Variants in EFCAB13 observed in about 807,000 individuals in gnomAD.
EFCAB13 encodes the protein EF-hand calcium-binding domain-containing protein 13.
EFCAB13 carries 91 observed loss-of-function variants against 110.2 expected under a neutral mutation model. The ratio of observed to expected loss-of-function variants is 0.83; its 90% CI spans 0.70 to 0.98. EFCAB13 has a LOEUF of 0.98. Ranked by LOEUF, EFCAB13 falls within the 50% of genes least tolerant of loss-of-function variation. The probability of loss-of-function intolerance (pLI) is 0.00; values close to 1 mark genes in which losing one functional copy is unlikely to be tolerated. For missense variants in EFCAB13, 968 were observed against 1,119.4 expected (o/e 0.86, Z 1.93); for synonymous variants, 323 against 369.9 (o/e 0.87, Z 1.45).
chr17:47,335,476 T>C (rs2065344227), intron 5 of EFCAB13, 120 bp downstream of exon 5: 2 of 759,680 alleles, frequency 2.6e-6, no homozygotes, highest in Non-Finnish European at 3.8e-6. Context: ...TCATGCATAT[T>C]TGTGGTCATT....
intron 23 of EFCAB13, among the ~76,000 whole-genome samples, chr17:47,422,929 T>A (rs1464602102): frequency 6.6e-6 from 1 of 152,190 alleles, no homozygotes; most frequent in Non-Finnish European, 1.5e-5. Context: ...AGGGCAAAGT[T>A]GAAGAAGACA....
intron 18 of EFCAB13, among the ~76,000 whole-genome samples, chr17:47,403,106 G>A (rs2065787349): frequency 6.6e-6 from 1 of 152,198 alleles, no homozygotes; most frequent in African/African-American, 2.4e-5. Context: ...AGTGATGTTA[G>A]AGGAATAGAA....
chr17:47,404,085 C>A, intron 19 of EFCAB13, 64 bp downstream of exon 19: 1 of 1,282,254 alleles, frequency 7.8e-7, no homozygotes. Context: ...TGTGCAAGGT[C>A]TATAGGTATT....
intron 6 of EFCAB13, among the ~76,000 whole-genome samples, chr17:47,343,742 G>A (rs1311996406): frequency 6.6e-6 from 1 of 152,022 alleles, no homozygotes; most frequent in African/African-American, 2.4e-5. Context: ...CAATGATAGG[G>A]ATAATCGAAA....
chr17:47,398,469 G>T (rs200130731), intron 17 of EFCAB13, among the ~76,000 whole-genome samples: 1 of 146,322 alleles, frequency 6.8e-6, no homozygotes, highest in African/African-American at 2.5e-5. Context: ...TGCCGTGTCT[G>T]TGTAGAAAGA....
rs2065708925 is a variant in EFCAB13, at chr17:47,391,699, T to C, written c.1726+119T>C. 20 of 872,920 alleles carry C rather than the reference T, an allele frequency of 2.3e-5. No homozygotes were observed. In the South Asian group the frequency reaches 4.4e-4, roughly 19 times the overall value. The allele number at this position is 872,920 out of a possible 1,614,324, so 54.1% of individuals were successfully genotyped here. On this transcript the variant is annotated intron_variant, in intron 15 of 24. Coordinates refer to ENST00000331493, the MANE Select transcript of EFCAB13 (RefSeq NM_152347.5). ...TTATAAAAAGTTAAAATTAAACTAATACAAAAAGTATGGAAATACTCAAAA... is the reference window on the plus strand; with the variant it reads ...TTATAAAAAGTTAAAATTAAACTAACACAAAAAGTATGGAAATACTCAAAA...
At chr17:47,333,948 A>G (rs2065334674) in intron 4 of EFCAB13, among the ~76,000 whole-genome samples, 1 of 152,178 alleles carries the variant, frequency 6.6e-6, no homozygotes, top group Non-Finnish European at 1.5e-5. Context: ...TATGAATGTT[A>G]GGATTTTTTT....
intron 9 of EFCAB13, among the ~76,000 whole-genome samples, chr17:47,356,336 G>A (rs553234159): frequency 6.6e-6 from 1 of 152,312 alleles, no homozygotes; most frequent in South Asian, 2.1e-4. Context: ...TCAGAGGGAA[G>A]CTCTGGGACT....
chr17:47,366,101 G>C (rs1339218364), intron 10 of EFCAB13, among the ~76,000 whole-genome samples: 1 of 152,034 alleles, frequency 6.6e-6, no homozygotes, highest in Non-Finnish European at 1.5e-5. Context: ...TTTGCATTTG[G>C]TATATTGTTG....
chr17:47,349,293 T>C (rs1417987733), intron 9 of EFCAB13, among the ~76,000 whole-genome samples: 1 of 152,232 alleles, frequency 6.6e-6, no homozygotes, highest in Admixed American at 6.5e-5. Flanking sequence ...GTGACATAGA[T>C]AACATCACTG....
At chr17:47,368,650 CAAA>C (rs1417224176) in intron 10 of EFCAB13, among the ~76,000 whole-genome samples, 1 of 152,086 alleles carries the variant, frequency 6.6e-6, no homozygotes, top group Non-Finnish European at 1.5e-5. Context: ...CCATGTGGCT[CAAA>C]AGAAGATTCC....
intron 23 of EFCAB13, among the ~76,000 whole-genome samples, chr17:47,419,932 C>T (rs1284634924): frequency 6.6e-6 from 1 of 151,660 alleles, no homozygotes; most frequent in Admixed American, 6.6e-5. Flanking sequence ...CTCTCCCTCT[C>T]CCTCTCCCTC....
At chr17:47,364,916 G>A (rs1326698521) in intron 10 of EFCAB13, among the ~76,000 whole-genome samples, 1 of 152,066 alleles carries the variant, frequency 6.6e-6, no homozygotes, top group Non-Finnish European at 1.5e-5. Flanking sequence ...TATATACCAT[G>A]CCCCTTCTTG....
At chr17:47,352,096 G>T (rs111674917) in intron 9 of EFCAB13, among the ~76,000 whole-genome samples, 1 of 151,366 alleles carries the variant, frequency 6.6e-6, no homozygotes, top group Middle Eastern at 3.4e-3. Context: ...TAGAGACGGG[G>T]TTTCACCGTG....
At chr17:47,348,881 T>G (rs982211434) in intron 9 of EFCAB13, among the ~76,000 whole-genome samples, 7 of 152,198 alleles carry the variant, frequency 4.6e-5, no homozygotes, top group African/African-American at 1.7e-4. Context: ...CTCTTAAGAA[T>G]GTTTTTAGAA....
chr17:47,363,666 G>A (rs2065529506), intron 10 of EFCAB13, among the ~76,000 whole-genome samples: 1 of 152,086 alleles, frequency 6.6e-6, no homozygotes, highest in Non-Finnish European at 1.5e-5. Context: ...AGTTGAAGGT[G>A]GTAGCAAAGA....
At chr17:47,361,559 A>G (rs370346549) in intron 10 of EFCAB13, 38 bp downstream of exon 10, 2 of 1,511,188 alleles carry the variant, frequency 1.3e-6, no homozygotes. Context: ...GTCCATATAT[A>G]TGTGCATATA....
At chr17:47,393,345 C>T (rs1183170424) in intron 15 of EFCAB13, among the ~76,000 whole-genome samples, 6 of 152,122 alleles carry the variant, frequency 3.9e-5, no homozygotes, top group Non-Finnish European at 8.8e-5. Flanking sequence ...TTTGCATATC[C>T]CATGGTTTAG....
chr17:47,437,290 A>G (rs544740585), intron 24 of EFCAB13, among the ~76,000 whole-genome samples: 68 of 152,246 alleles, frequency 4.5e-4, no homozygotes, highest in Non-Finnish European at 7.2e-4. Context: ...GTTCCAAGGT[A>G]TAGTTTAAGT....
Sources: gnomAD v4.1 joint callset for allele counts (sites outside exome capture counted in the v4.1 genomes callset) on GRCh38, gnomAD v4.1.1 for gene constraint, MANE v1.5 for transcripts, NCBI Gene and HGNC (gene_info 2026-07-23, HGNC 2026-07-21) for gene names.